Variants in RDX observed in about 807,000 individuals in gnomAD.
The protein encoded by RDX is radixin.
RDX carries 32 observed loss-of-function variants against 83.7 expected under a neutral mutation model. The observed-to-expected ratio is 0.38, with a 90% CI of 0.29 to 0.51. RDX has a LOEUF of 0.51. Ranked by LOEUF, RDX falls within the 20% of genes least tolerant of loss-of-function variation. The pLI is 0.87. For missense variants in RDX, 600 were observed against 689.9 expected (o/e 0.87, Z 1.46); for synonymous variants, 229 against 222.7 (o/e 1.03, Z -0.25).
chr11:110,294,711 T>C (rs532365000), intron 1 of RDX, among the ~76,000 whole-genome samples: 2 of 149,670 alleles, frequency 1.3e-5, no homozygotes, highest in African/African-American at 5.0e-5. Flanking sequence ...AGTTAATTAA[T>C]CACAATTTCA....
Position 110,233,428 on chromosome 11 carries a change from C to A in RDX, c.1396G>T (p.Val466Leu). The A allele has an allele frequency of 6.2e-7, 1 of 1,614,052 alleles. No individual in the cohort carries two copies. Among genetic ancestry groups the A allele is most frequent in the Non-Finnish European group, 8.5e-7 (1 of 1,179,996 alleles). The change falls in exon 13 of 14, where the codon GTG becomes TTG. Residue 466 changes from valine to leucine, a missense_variant. Transcript: ENST00000645495. ...LEKTKEELKT[V>L]MSAPPPPPPP... is the part of the protein sequence containing the mutation. ...GGAGGTGGAGGGGGGGCAGACATCA[C>A]AGTTTTTAACTCTTCTTTGGTCTTT... is the stretch of plus-strand genomic sequence containing the variant.
At chr11:110,271,346 T>C (rs1860304476) in intron 3 of RDX, among the ~76,000 whole-genome samples, 1 of 152,246 alleles carries the variant, frequency 6.6e-6, no homozygotes, top group Admixed American at 6.5e-5. Flanking sequence ...GATCAAGTTA[T>C]TCTGACTACA....
rs141462728 is a variant in RDX, at chr11:110,247,756, T to G, written c.1037A>C (p.Glu346Ala). Residue 346 changes from glutamate to alanine, a missense_variant, in exon 10 of 14, where the codon GAG becomes GCG. Transcript: ENST00000645495. ...EKERIEREKE[E>A]LMERLKQIEE... ...AATTTGTTTTAGACGTTCCATTAGC[T>G]CTTCCTTTTCACGTTCTATTCTTTC... 3.5e-5 allele frequency: 56 copies of G among 1,611,700 alleles called. No homozygotes were observed. The African/African-American group carries it at 6.8e-4, about 20-fold the overall frequency.
intron 10 of RDX, among the ~76,000 whole-genome samples, chr11:110,243,536 T>C (rs542141139): frequency 6.6e-6 from 1 of 151,988 alleles, no homozygotes; most frequent in East Asian, 1.9e-4. Context: ...GGCCAACAAG[T>C]ATATAACCCT....
chr11:110,278,729 C>T (rs1860619412), intron 2 of RDX, among the ~76,000 whole-genome samples: 1 of 151,098 alleles, frequency 6.6e-6, no homozygotes, highest in Admixed American at 6.6e-5. Flanking sequence ...TTCTTCTCTC[C>T]CTCTAACAAT....
At chr11:110,218,002 CATT>C (rs1455936311) in intron 14 of RDX, among the ~76,000 whole-genome samples, 1 of 152,174 alleles carries the variant, frequency 6.6e-6, no homozygotes, top group Non-Finnish European at 1.5e-5. Flanking sequence ...GAATGAATAA[CATT>C]ATTTGAATGG....
chr11:110,249,400 A>C (rs1392231648), intron 9 of RDX, among the ~76,000 whole-genome samples: 1 of 152,218 alleles, frequency 6.6e-6, no homozygotes, highest in African/African-American at 2.4e-5. Flanking sequence ...CTACATTTTA[A>C]AATTCCTGCA....
At chr11:110,260,131 C>T (rs1207926114) in intron 5 of RDX, among the ~76,000 whole-genome samples, 1 of 151,972 alleles carries the variant, frequency 6.6e-6, no homozygotes, top group African/African-American at 2.4e-5. Flanking sequence ...GGATTACAGG[C>T]ATGCACCACC....
intron 3 of RDX, 62 bp downstream of exon 3, chr11:110,272,474 G>T: frequency 9.4e-7 from 1 of 1,061,406 alleles, no homozygotes. Context: ...AACAGAGAAA[G>T]AGGTATGCAA....
At chr11:110,203,097 T>G (rs1211387834) in intron 14 of RDX, among the ~76,000 whole-genome samples, 1 of 152,142 alleles carries the variant, frequency 6.6e-6, no homozygotes, top group Non-Finnish European at 1.5e-5. Flanking sequence ...AGCCAAGATT[T>G]GGAAGCAACC....
intron 9 of RDX, among the ~76,000 whole-genome samples, chr11:110,250,498 T>C (rs940478814): frequency 1.3e-5 from 2 of 152,144 alleles, no homozygotes; most frequent in African/African-American, 4.8e-5. Context: ...CAACCAGAAG[T>C]CTACCATCAT....
At chr11:110,252,604 T>C (rs555604957) in intron 9 of RDX, among the ~76,000 whole-genome samples, 1 of 152,274 alleles carries the variant, frequency 6.6e-6, no homozygotes, top group African/African-American at 2.4e-5. Flanking sequence ...AAGTCTTCCC[T>C]TTGACAGAGG....
chr11:110,290,758 T>C (rs895312989), intron 1 of RDX, among the ~76,000 whole-genome samples: 4 of 152,230 alleles, frequency 2.6e-5, no homozygotes, highest in African/African-American at 9.6e-5. Context: ...GTTGAAACCA[T>C]TCTACTGTTG....
intron 2 of RDX, 22 bp from the exon 3 acceptor site, chr11:110,272,641 T>C (rs772014571): frequency 5.9e-6 from 9 of 1,523,852 alleles, no homozygotes; most frequent in Non-Finnish European, 8.2e-6. Context: ...ATAAAAGGAA[T>C]AATAAGTAGA....
intron 3 of RDX, among the ~76,000 whole-genome samples, chr11:110,271,668 AG>A (rs778591466): frequency 6.6e-6 from 1 of 152,026 alleles, no homozygotes; most frequent in Non-Finnish European, 1.5e-5. Context: ...CTTTTTTTAA[AG>A]CTCCACAGGT....
intron 10 of RDX, among the ~76,000 whole-genome samples, chr11:110,245,078 C>A (rs924924394): frequency 6.6e-6 from 1 of 151,562 alleles, no homozygotes; most frequent in Admixed American, 6.6e-5. Context: ...GATTCTCCTG[C>A]CTCGGCCTCC....
At chr11:110,291,793 T>C (rs538340227) in intron 1 of RDX, among the ~76,000 whole-genome samples, 5 of 152,276 alleles carry the variant, frequency 3.3e-5, no homozygotes, top group Admixed American at 2.6e-4. Flanking sequence ...CTTGATGTCA[T>C]TATTGAACCA....
In RDX at chr11:110,208,748, G is replaced by A. The variant is rs151330379; in HGVS notation, c.1749-9070C>T. On this transcript the variant is annotated intron_variant, in intron 14 of 15. Coordinates refer to the RDX transcript ENST00000528498. ...CTGTCAGGCGGATCACTTGAGGCCA[G>A]GAGTTCAAGACCACCCTGGCCAACA... 2.5e-3 allele frequency among the ~76,000 whole-genome samples: 382 copies of A among 152,272 alleles called. 2 individuals are homozygous for A. The highest frequency in any genetic ancestry group is 8.8e-3 in the African/African-American group (366 of 41,562).
At chr11:110,289,898 G>T (rs557555847) in intron 1 of RDX, among the ~76,000 whole-genome samples, 2 of 135,724 alleles carry the variant, frequency 1.5e-5, no homozygotes, top group Admixed American at 8.0e-5. Flanking sequence ...GGCAGAGGCT[G>T]CAATGAGCTG....
Sources: allele counts gnomAD v4.1 joint callset (sites outside exome capture counted in the v4.1 genomes callset), GRCh38; gene constraint gnomAD v4.1.1; transcripts MANE v1.5; gene names NCBI Gene and HGNC (gene_info 2026-07-23, HGNC 2026-07-21).